Variants in LRRK1 observed in about 807,000 individuals in gnomAD.
LRRK1 encodes the protein leucine rich repeat kinase 1.
A neutral mutation model predicts 209.1 loss-of-function variants in LRRK1; 113 were observed. The ratio of observed to expected loss-of-function variants is 0.54; its 90% CI spans 0.46 to 0.63. The LOEUF is 0.63. Among genes scored for constraint, LRRK1 ranks in the 30% least tolerant of loss-of-function variants. The pLI is 0.00. For synonymous variants in LRRK1, 1,144 were observed against 1,099.7 expected (o/e 1.04, Z -0.80); for missense variants, 2,284 against 2,632.2 (o/e 0.87, Z 2.89).
chr15:100,941,462 C>G (rs1442327502), intron 2 of LRRK1, among the ~76,000 whole-genome samples: 70 of 16,424 alleles, frequency 4.3e-3, no homozygotes, highest in Admixed American at 5.2e-3. Context: ...GTGTCTATGT[C>G]TCTGTGTGTG....
intron 1 of LRRK1, among the ~76,000 whole-genome samples, chr15:100,921,666 G>T (rs1285393882): frequency 1.3e-5 from 2 of 152,184 alleles, no homozygotes; most frequent in Admixed American, 6.5e-5. Context: ...AACTCATGAA[G>T]TTCCCTCTTC....
In LRRK1 at chr15:101,068,954, A is replaced by G; in HGVS notation, c.*106A>G. 1 of 1,156,080 alleles carries G rather than the reference A, an allele frequency of 8.6e-7. No homozygotes were observed. Among genetic ancestry groups the G allele is most frequent in the Non-Finnish European group, 1.2e-6 (1 of 834,784 alleles). 71.6% of individuals were successfully genotyped at this position (1,156,080 alleles called of 1,614,324 possible). On this transcript the variant is annotated 3_prime_UTR_variant, in exon 34 of 34. Coordinates refer to ENST00000388948, the MANE Select transcript of LRRK1 (RefSeq NM_024652.6). ...CTCCAAGGACCTAGAAGACAGATGG[A>G]GTTCTCCCCTGAACTCCTTGCTGCT...
chr15:101,039,658 G>T (rs2034652449), intron 20 of LRRK1, among the ~76,000 whole-genome samples: 1 of 152,152 alleles, frequency 6.6e-6, no homozygotes, highest in Non-Finnish European at 1.5e-5. Flanking sequence ...CATTCTGTGT[G>T]ATCTCAGGGG....
At chr15:100,993,033 TTC>T (rs1338258794) in intron 6 of LRRK1, among the ~76,000 whole-genome samples, 2 of 152,150 alleles carry the variant, frequency 1.3e-5, no homozygotes, top group Non-Finnish European at 2.9e-5. Context: ...GACTTCCTGG[TTC>T]TTATCTGGAC....
intron 2 of LRRK1, among the ~76,000 whole-genome samples, chr15:100,970,748 T>C (rs1301026820): frequency 6.6e-6 from 1 of 152,216 alleles, no homozygotes; most frequent in East Asian, 1.9e-4. Context: ...GTTGGGATTA[T>C]TGAATCTATA....
At chr15:101,062,510 T>C in intron 30 of LRRK1, 64 bp from the exon 31 acceptor site, 2 of 1,143,690 alleles carry the variant, frequency 1.7e-6, no homozygotes, top group East Asian at 4.7e-5. Context: ...CTCATGGGAA[T>C]GGCTTGGGAA....
chr15:100,923,419 A>G (rs2042053254), intron 1 of LRRK1, among the ~76,000 whole-genome samples: 1 of 152,340 alleles, frequency 6.6e-6, no homozygotes, highest in African/African-American at 2.4e-5. Context: ...TGGCTGCACT[A>G]TCACTCCCCA....
At chr15:100,948,867 C>T (rs1010659900) in intron 2 of LRRK1, among the ~76,000 whole-genome samples, 2 of 152,088 alleles carry the variant, frequency 1.3e-5, no homozygotes, top group Non-Finnish European at 2.9e-5. Context: ...AGGGATACAG[C>T]TAAAGCAGTG....
rs769809859 is a variant in LRRK1, at chr15:101,009,042, C to A, written c.968C>A (p.Ser323Ter). The part of the protein sequence containing the change: ...HLGELPGVQS[S>*]DEIICSRLLE... ...GGGGAGCTGCCTGGCGTGCAGTCAT[C>A]GGACGAAATCATCTGTTCCAGGTGG... The change falls in exon 7 of 34, where the codon TCG becomes TAG. Residue 323 changes from serine (S) to a stop codon, truncating the protein, a stop_gained. Transcript: ENST00000388948. LOFTEE classifies it high-confidence loss of function. The A allele has an allele frequency of 2.5e-6, 4 of 1,613,948 alleles. No homozygotes were observed. The highest frequency in any genetic ancestry group is 1.1e-5 in the South Asian group (1 of 91,076).
rs2141168663 is a variant in LRRK1, at chr15:101,068,675, C to T, written c.5875C>T (p.Leu1959=). Reference sequence around the variant, plus strand: ...CAGACCCCCTTCTCTCTGCAGGGTGCTGGTGGATGCTGCCGTGGTGGCAAA... The same window carrying T: ...CAGACCCCCTTCTCTCTGCAGGGTGTTGGTGGATGCTGCCGTGGTGGCAAA... The part of the protein sequence containing the change: ...KARELTPHGV[L]VDAAVVAKDT... The change falls in exon 34 of 34, where the codon CTG becomes TTG. Residue 1959 remains leucine, a synonymous_variant. Coordinates refer to ENST00000388948, the MANE Select transcript of LRRK1 (RefSeq NM_024652.6). 18 of 1,593,572 alleles carry T rather than the reference C, an allele frequency of 1.1e-5. No homozygotes were observed. The highest frequency in any genetic ancestry group is 1.5e-5 in the Non-Finnish European group (18 of 1,167,986).
At chr15:101,062,547 T>A (rs755128715) in intron 30 of LRRK1, 27 bp from the exon 31 acceptor site, 1 of 1,490,190 alleles carries the variant, frequency 6.7e-7, no homozygotes, top group African/African-American at 1.4e-5. Context: ...AGCCTGGGTC[T>A]CACAGTGGAC....
rs1187160439 is a variant in LRRK1, at chr15:101,029,101, C to T, written c.2832C>T (p.Ala944=). Residue 944 remains alanine, a synonymous_variant, in exon 20 of 34, where the codon GCC becomes GCT. Coordinates refer to ENST00000388948, the MANE Select transcript of LRRK1 (RefSeq NM_024652.6). ...ATATTAAGGGCTCTCGGTCAGTGGC[C>T]AAGAATGGGGTGATCAGAGCAGAAG... ...IFNIKGSRSV[A]KNGVIRAEDL... The T allele has an allele frequency of 6.2e-7, 1 of 1,614,122 alleles. No individual in the cohort carries two copies. The highest frequency in any genetic ancestry group is 8.5e-7 in the Non-Finnish European group (1 of 1,180,032).
intron 2 of LRRK1, among the ~76,000 whole-genome samples, chr15:100,970,420 C>G (rs1473162304): frequency 6.6e-6 from 1 of 152,192 alleles, no homozygotes; most frequent in East Asian, 1.9e-4. Flanking sequence ...CATTGTACTG[C>G]TTTGGCTCCC....
At chr15:101,063,936 T>C (rs1185481527) in intron 31 of LRRK1, among the ~76,000 whole-genome samples, 3 of 152,292 alleles carry the variant, frequency 2.0e-5, no homozygotes, top group Non-Finnish European at 2.9e-5. Context: ...CAAAGTGTTA[T>C]TGAGGCCACC....
chr15:100,947,288 T>A (rs1413229486), intron 2 of LRRK1, among the ~76,000 whole-genome samples: 1 of 152,126 alleles, frequency 6.6e-6, no homozygotes, highest in African/African-American at 2.4e-5. Context: ...AACACAGGAT[T>A]AGGCAGTTTA....
intron 20 of LRRK1, among the ~76,000 whole-genome samples, chr15:101,041,926 G>GTC (rs375714348): frequency 1.3e-4 from 19 of 151,486 alleles, no homozygotes; most frequent in Non-Finnish European, 1.8e-4. Flanking sequence ...CATAAATGTG[G>GTC]TCTCTCTCTC....
chr15:101,018,589 A>G (rs1029829009), intron 12 of LRRK1, among the ~76,000 whole-genome samples: 2 of 152,144 alleles, frequency 1.3e-5, no homozygotes, highest in Admixed American at 6.5e-5. Context: ...TCAGCACTCA[A>G]TGAGACGCCA....
chr15:101,007,603 G>A lies in LRRK1; in HGVS notation c.763-1234G>A, dbSNP rs190340708. Among the ~76,000 whole-genome samples the A allele has an allele frequency of 4.1e-3, 624 of 152,320 alleles. 5 individuals carry two copies. The highest frequency in any genetic ancestry group is 4.1e-3 in the Non-Finnish European group (281 of 68,042). ...GCGTGTGGCAGAGACCCACAGGCTGGCAGAGGAGCGGGAGCTTTCTAGTGG... is the reference window on the plus strand; with the variant it reads ...GCGTGTGGCAGAGACCCACAGGCTGACAGAGGAGCGGGAGCTTTCTAGTGG... On this transcript the variant is annotated intron_variant, in intron 6 of 33. Transcript: ENST00000388948.
rs2036870914 is a variant in LRRK1 at position 101,073,290 on chromosome 15, C to G, written c.*4442C>G. 6.6e-6 allele frequency: 1 copy of G among 152,334 alleles called. No individual in the cohort carries two copies. The allele number at this position is 152,334 out of a possible 1,614,324, so 9.4% of individuals were successfully genotyped here. On this transcript the variant is annotated 3_prime_UTR_variant, in exon 34 of 34. Transcript: ENST00000388948. Reference sequence around the variant, plus strand: ...TCACGGACTGGGAAGGCAGCCTTCCCTTGGTGTTTAATCATTGCAGGGACA... The same window carrying G: ...TCACGGACTGGGAAGGCAGCCTTCCGTTGGTGTTTAATCATTGCAGGGACA...
Sources: gnomAD v4.1 joint callset for allele counts (sites outside exome capture counted in the v4.1 genomes callset) on GRCh38, gnomAD v4.1.1 for gene constraint, MANE v1.5 for transcripts, NCBI Gene and HGNC (gene_info 2026-07-23, HGNC 2026-07-21) for gene names.